Variants in KALRN observed in about 807,000 individuals in gnomAD.
KALRN encodes the protein kalirin RhoGEF kinase.
KALRN carries 70 observed loss-of-function variants against 353.7 expected under a neutral mutation model. That is an observed-to-expected ratio of 0.20 (90% CI 0.16 to 0.24). KALRN has a LOEUF of 0.24. Ranked by LOEUF, KALRN falls within the 10% of genes least tolerant of loss-of-function variation. The pLI is 1.00. For missense variants in KALRN, 2,791 were observed against 3,756.7 expected, an observed-to-expected ratio of 0.74 and a Z score of 6.72; for synonymous variants, 1,391 against 1,434.8, an observed-to-expected ratio of 0.97 and a Z score of 0.69.
chr3:124,069,920 G>T (rs1032173032), intron 1 of KALRN, among the ~76,000 whole-genome samples: 7 of 152,148 alleles, frequency 4.6e-5, no homozygotes, highest in Non-Finnish European at 8.8e-5. Flanking sequence ...AGAGACTACT[G>T]GAGAGCCTTT....
intron 1 of KALRN, among the ~76,000 whole-genome samples, chr3:124,144,127 G>T (rs1474444966): frequency 1.3e-5 from 2 of 152,080 alleles, no homozygotes; most frequent in African/African-American, 4.8e-5. Flanking sequence ...AATTGACTCA[G>T]TTGTAGCTTC....
At chr3:124,204,918 T>G (rs2076280500) in intron 1 of KALRN, among the ~76,000 whole-genome samples, 2 of 152,346 alleles carry the variant, frequency 1.3e-5, no homozygotes, top group Admixed American at 1.3e-4. Flanking sequence ...CTCATGGAAC[T>G]GTCAGAAGGT....
At chr3:124,668,217 T>G (rs2085922580) in intron 47 of KALRN, among the ~76,000 whole-genome samples, 1 of 152,120 alleles carries the variant, frequency 6.6e-6, no homozygotes, top group African/African-American at 2.4e-5. Flanking sequence ...CACCCTCGGG[T>G]GTGTCACCTT....
chr3:124,039,399 A>G (rs1212005992), intron 1 of KALRN, among the ~76,000 whole-genome samples: 1 of 152,128 alleles, frequency 6.6e-6, no homozygotes, highest in Non-Finnish European at 1.5e-5. Context: ...TGTCTCCCCC[A>G]TTGAAGTTAT....
chr3:124,309,187 T>A (rs1186353160), intron 6 of KALRN, among the ~76,000 whole-genome samples: 1 of 152,018 alleles, frequency 6.6e-6, no homozygotes, highest in African/African-American at 2.4e-5. Flanking sequence ...CAGGCCCAGA[T>A]GGCTTCATCA....
intron 33 of KALRN, among the ~76,000 whole-genome samples, chr3:124,536,774 C>T (rs1430851867): frequency 6.6e-6 from 1 of 152,028 alleles, no homozygotes; most frequent in East Asian, 1.9e-4. Flanking sequence ...GAGACATTTT[C>T]CTCAAAATTG....
At chr3:124,299,547 G>A (rs1245453919) in intron 6 of KALRN, among the ~76,000 whole-genome samples, 1 of 152,142 alleles carries the variant, frequency 6.6e-6, no homozygotes, top group African/African-American at 2.4e-5. Context: ...GGCAGATGCT[G>A]AACACTCAGA....
At chr3:124,203,852 C>T (rs563621120) in intron 1 of KALRN, among the ~76,000 whole-genome samples, 1 of 152,318 alleles carries the variant, frequency 6.6e-6, no homozygotes, top group East Asian at 1.9e-4. Context: ...GTGAGCAACA[C>T]GGGTTTGAAT....
chr3:124,202,746 C>T (rs2076070462), intron 1 of KALRN, among the ~76,000 whole-genome samples: 1 of 152,154 alleles, frequency 6.6e-6, no homozygotes, highest in Non-Finnish European at 1.5e-5. Flanking sequence ...GGCCCTTCCA[C>T]CATACTTTTG....
rs115650998 is a variant in KALRN at position 124,580,108 on chromosome 3, C to G, written c.5182+17019C>G. ...TCTGTACCAACAACATCAGCATCAC[C>G]TGGGAACTCATAGCAATGCAAATTC... On this transcript the variant is annotated intron_variant, in intron 34 of 59. Transcript: ENST00000682506. Among the ~76,000 whole-genome samples the G allele has an allele frequency of 7.9e-3, 1,198 of 152,322 alleles. 15 individuals are homozygous for G. Among genetic ancestry groups the G allele is most frequent in the African/African-American group, 0.026 (1,064 of 41,566 alleles).
chr3:124,658,882 A>G (rs2084447028), intron 42 of KALRN, among the ~76,000 whole-genome samples: 1 of 152,158 alleles, frequency 6.6e-6, no homozygotes, highest in Admixed American at 6.5e-5. Context: ...CTGTTGGTTG[A>G]AGGGTTTGCA....
At chr3:124,574,833 G>A (rs1197124932) in intron 34 of KALRN, among the ~76,000 whole-genome samples, 1 of 152,228 alleles carries the variant, frequency 6.6e-6, no homozygotes, top group Non-Finnish European at 1.5e-5. Flanking sequence ...GCTCAGGGAA[G>A]GGCAGAGATG....
chr3:124,560,967 G>A (rs553610373), intron 33 of KALRN, among the ~76,000 whole-genome samples: 15 of 152,224 alleles, frequency 9.9e-5, no homozygotes, highest in African/African-American at 3.4e-4. Flanking sequence ...GAACTGCTAG[G>A]GAATCTCCAT....
At chr3:124,231,306 T>C in intron 2 of KALRN, among the ~76,000 whole-genome samples, 1 of 152,252 alleles carries the variant, frequency 6.6e-6, no homozygotes, top group South Asian at 2.1e-4. Context: ...TTTGTACTAC[T>C]TAGAAGTCAC....
At chr3:124,154,034 G>C (rs188575148) in intron 1 of KALRN, among the ~76,000 whole-genome samples, 30 of 152,274 alleles carry the variant, frequency 2.0e-4, no homozygotes, top group African/African-American at 6.3e-4. Context: ...TGTCAGATGA[G>C]TAGGTTGCAA....
chr3:124,101,184 C>A (rs2061834706), intron 1 of KALRN, among the ~76,000 whole-genome samples: 1 of 152,162 alleles, frequency 6.6e-6, no homozygotes, highest in African/African-American at 2.4e-5. Flanking sequence ...CCCAGAAAAG[C>A]AATTGACCTG....
At chr3:124,213,182 A>G (rs749367093) in intron 1 of KALRN, among the ~76,000 whole-genome samples, 23 of 152,120 alleles carry the variant, frequency 1.5e-4, no homozygotes, top group Non-Finnish European at 2.6e-4. Context: ...ATGTCATTTT[A>G]AAGGTTTGGG....
intron 5 of KALRN, among the ~76,000 whole-genome samples, chr3:124,274,553 C>T (rs1270573462): frequency 6.6e-6 from 1 of 152,186 alleles, no homozygotes; most frequent in African/African-American, 2.4e-5. Flanking sequence ...GGGAGAATCC[C>T]CAAAAGAGTG....
At chr3:124,230,218 G>A (rs1033663833) in intron 2 of KALRN, among the ~76,000 whole-genome samples, 15 of 152,064 alleles carry the variant, frequency 9.9e-5, no homozygotes, top group African/African-American at 3.1e-4. Flanking sequence ...TGTTCTTCCT[G>A]TCCCCTGGAT....
Sources: gnomAD v4.1 joint callset for allele counts (sites outside exome capture counted in the v4.1 genomes callset) on GRCh38, gnomAD v4.1.1 for gene constraint, MANE v1.5 for transcripts, NCBI Gene and HGNC (gene_info 2026-07-23, HGNC 2026-07-21) for gene names.